GRP: variants seen among roughly 807,000 people sequenced by gnomAD.
GRP encodes the protein gastrin-releasing peptide.
In GRP, 11 loss-of-function variants were observed where a neutral mutation model predicts 12.7. The observed-to-expected ratio is 0.87, with a 90% CI of 0.55 to 1.44. The LOEUF is 1.44. Ranked by LOEUF, GRP falls within the 40% of genes most tolerant of loss-of-function variation. The pLI, the probability that GRP is intolerant of heterozygous loss-of-function variation, is 0.00. For missense variants in GRP, 212 were observed against 185.4 expected (o/e 1.14, Z -0.83); for synonymous variants, 84 against 77.7 (o/e 1.08, Z -0.43).
At chr18:59,225,828 G>C in intron 2 of GRP, 94 bp downstream of exon 2, 1 of 1,144,754 alleles carries the variant, frequency 8.7e-7, no homozygotes, top group East Asian at 2.3e-5. Context: ...AATTGCTTAT[G>C]ATATAAACCT....
intron 2 of GRP, among the ~76,000 whole-genome samples, chr18:59,228,894 A>G (rs1018703233): frequency 1.3e-5 from 2 of 152,052 alleles, no homozygotes; most frequent in African/African-American, 4.8e-5. Flanking sequence ...TATAATTTGG[A>G]CTTAGTCCCT....
rs753348380 is a variant in GRP at position 59,230,430 on chromosome 18, C to T, written c.409C>T (p.Gln137Ter). The change falls in exon 3 of 3, where the codon CAA becomes TAA. Residue 137 changes from glutamine to a stop codon, truncating the protein, a stop_gained. Transcript: ENST00000256857. LOFTEE classifies it low-confidence loss of function (END_TRUNC). ...KVGRLSAPGS[Q>*]REGRNPQLNQ... is the part of the protein sequence containing the mutation. ...TGGTAGACTCTCTGCTCCAGGTTCTCAACGTGAAGGAAGGAACCCCCAGCT... is the reference window on the plus strand; with the variant it reads ...TGGTAGACTCTCTGCTCCAGGTTCTTAACGTGAAGGAAGGAACCCCCAGCT... 7.5e-6 allele frequency: 12 copies of T among 1,601,224 alleles called. No individual in the cohort carries two copies. The highest frequency in any genetic ancestry group is 1.0e-5 in the Non-Finnish European group (12 of 1,168,336).
At position 59,227,985 on chromosome 18, in the gene GRP, A is replaced by T. The variant is rs953220218; in HGVS notation, c.382+2251A>T. Among the ~76,000 whole-genome samples the T allele has an allele frequency of 2.9e-5, 4 of 138,404 alleles. 1 individual carries two copies. The highest frequency in any genetic ancestry group is 4.2e-4 in the South Asian group (2 of 4,756). The allele number at this position is 138,404 out of a possible 152,430, so 90.8% of individuals were successfully genotyped here. A position where few individuals can be genotyped will look rare whatever the true frequency, so the allele number is the denominator to read the frequency against. ...TGAAAAAGGTCATCAAAAAGATGATAAAAAAAATCAGGCTTTGCTTTTCTA... is the reference window on the plus strand; with the variant it reads ...TGAAAAAGGTCATCAAAAAGATGATTAAAAAAATCAGGCTTTGCTTTTCTA... On this transcript the variant is annotated intron_variant, in intron 2 of 2. Transcript: ENST00000256857.
chr18:59,230,451 C>A lies in GRP; in HGVS notation c.430C>A (p.Gln144Lys). ...TTCTCAACGTGAAGGAAGGAACCCC[C>A]AGCTGAACCAGCAATGATAATGATG... ...PGSQREGRNP[Q>K]LNQQ is the part of the protein sequence containing the mutation. Residue 144 changes from glutamine to lysine, a missense_variant, in exon 3 of 3, where the codon CAG becomes AAG. Physicochemically the swap from Gln to Lys is moderately conservative, Grantham distance 53 (BLOSUM62 1). Transcript: ENST00000256857. 1 of 1,591,806 alleles carries A rather than the reference C, an allele frequency of 6.3e-7. No homozygotes were observed. The highest frequency in any genetic ancestry group is 1.1e-5 in the South Asian group (1 of 90,630).
At chr18:59,227,877 G>A (rs2069969022) in intron 2 of GRP, among the ~76,000 whole-genome samples, 2 of 152,220 alleles carry the variant, frequency 1.3e-5, no homozygotes, top group Non-Finnish European at 2.9e-5. Flanking sequence ...AAAGGTGTCT[G>A]AGTAGCAGTA....
upstream of GRP, among the ~76,000 whole-genome samples, chr18:59,219,866 C>G (rs1380524576): frequency 6.6e-6 from 1 of 151,968 alleles, no homozygotes; most frequent in Non-Finnish European, 1.5e-5. Flanking sequence ...GAGGCGCCGG[C>G]GAGCCTGGAG....
intron 2 of GRP, among the ~76,000 whole-genome samples, chr18:59,227,550 T>C (rs773020489): frequency 1.1e-4 from 16 of 152,216 alleles, no homozygotes; most frequent in Non-Finnish European, 2.4e-4. Flanking sequence ...TTCTCATTTG[T>C]CTGAACAGTA....
At chr18:59,227,553 G>A (rs1469340613) in intron 2 of GRP, among the ~76,000 whole-genome samples, 1 of 152,090 alleles carries the variant, frequency 6.6e-6, no homozygotes, top group Non-Finnish European at 1.5e-5. Flanking sequence ...TCATTTGTCT[G>A]AACAGTAATA....
intron 1 of GRP, among the ~76,000 whole-genome samples, chr18:59,220,992 T>TGAATCCCGC (rs2069823644): frequency 6.6e-6 from 1 of 152,246 alleles, no homozygotes. Flanking sequence ...TCTGTGACTC[T>TGAATCCCGC]CTGGAGTTTC....
At chr18:59,228,862 T>C (rs1456411199) in intron 2 of GRP, among the ~76,000 whole-genome samples, 4 of 152,232 alleles carry the variant, frequency 2.6e-5, no homozygotes, top group Non-Finnish European at 5.9e-5. Context: ...ATGGAGGTTT[T>C]AGTTGGCCTT....
rs923711296 is a variant in GRP at position 59,220,235 on chromosome 18, C to T, written c.-31C>T. On this transcript the variant is annotated 5_prime_UTR_variant, in exon 1 of 3. Coordinates refer to ENST00000256857, the MANE Select transcript of GRP (RefSeq NM_002091.5). ...CAGTCTCTGCTCTTCCCAGCCTCTC[C>T]GGCGCGCTCCAAGGGCTTCCCGTCG... is the stretch of plus-strand genomic sequence containing the variant. The T allele has an allele frequency of 2.8e-6, 4 of 1,432,004 alleles. No individual in the cohort carries two copies. Among genetic ancestry groups the T allele is most frequent in the South Asian group, 1.4e-5 (1 of 70,788 alleles). The allele number at this position is 1,432,004 out of a possible 1,614,324, so 88.7% of individuals were successfully genotyped here. A position where few individuals can be genotyped will look rare whatever the true frequency, so the allele number is the denominator to read the frequency against.
intron 2 of GRP, among the ~76,000 whole-genome samples, chr18:59,225,990 T>C (rs2069914847): frequency 6.6e-6 from 1 of 151,596 alleles, no homozygotes; most frequent in Non-Finnish European, 1.5e-5. Flanking sequence ...CCATTACGCA[T>C]TGATGGGATT....
chr18:59,226,773 A>C (rs927360338), intron 2 of GRP, among the ~76,000 whole-genome samples: 4 of 152,104 alleles, frequency 2.6e-5, no homozygotes, highest in African/African-American at 9.7e-5. Flanking sequence ...CTTTCCACTC[A>C]CAGTACTGGA....
At chr18:59,228,723 C>A (rs935135982) in intron 2 of GRP, among the ~76,000 whole-genome samples, 5 of 152,184 alleles carry the variant, frequency 3.3e-5, no homozygotes, top group African/African-American at 4.8e-5. Context: ...ATTAATGGAA[C>A]TTTTCCCCCA....
chr18:59,222,529 G>A (rs1204776407), intron 1 of GRP, among the ~76,000 whole-genome samples: 2 of 152,194 alleles, frequency 1.3e-5, no homozygotes, highest in South Asian at 2.1e-4. Context: ...TTGAGAAAAC[G>A]TTTGCTTTGA....
intron 2 of GRP, among the ~76,000 whole-genome samples, chr18:59,226,374 C>T (rs1320935502): frequency 6.6e-6 from 1 of 152,150 alleles, no homozygotes; most frequent in African/African-American, 2.4e-5. Context: ...AGCAAGGCAA[C>T]TGAAAATGAG....
chr18:59,221,406 A>G (rs2069831148), intron 1 of GRP, among the ~76,000 whole-genome samples: 1 of 148,632 alleles, frequency 6.7e-6, no homozygotes, highest in Admixed American at 6.7e-5. Flanking sequence ...ACCCAGCATC[A>G]CCCCAGGGCT....
intron 2 of GRP, among the ~76,000 whole-genome samples, chr18:59,229,004 G>A (rs921603887): frequency 2.0e-5 from 3 of 152,204 alleles, no homozygotes; most frequent in Admixed American, 1.3e-4. Flanking sequence ...AAATGTGTTC[G>A]TTCTTCACTT....
rs186338783 is a variant in GRP, at chr18:59,229,738, A to G, written c.383-666A>G. ...CGTAAAGGGTGCTATATGGGAACAAAGAAGTATTTTAAAATTATAACTACT... is the reference window on the plus strand; with the variant it reads ...CGTAAAGGGTGCTATATGGGAACAAGGAAGTATTTTAAAATTATAACTACT... On this transcript the variant is annotated intron_variant, in intron 2 of 2. Transcript: ENST00000256857. 6.7e-3 allele frequency among the ~76,000 whole-genome samples: 1,022 copies of G among 152,328 alleles called. 5 individuals are homozygous for G. The highest frequency in any genetic ancestry group is 0.012 in the Non-Finnish European group (804 of 68,028).
Sources: gnomAD v4.1 joint callset for allele counts (sites outside exome capture counted in the v4.1 genomes callset) on GRCh38, gnomAD v4.1.1 for gene constraint, MANE v1.5 for transcripts, NCBI Gene and HGNC (gene_info 2026-07-23, HGNC 2026-07-21) for gene names.